The following SNX29 variants were observed in gnomAD, a reference collection of about 807,000 sequenced individuals.
SNX29 encodes the protein sorting nexin 29, also known as sorting nexin-29.
Under a neutral mutation model 102.1 loss-of-function variants are expected in SNX29, and 78 were observed. The ratio of observed to expected loss-of-function variants is 0.76; its 90% CI spans 0.64 to 0.92. SNX29 has a LOEUF of 0.92. Among genes scored for constraint, SNX29 ranks in the 40% least tolerant of loss-of-function variants. SNX29 has a pLI of 0.00. For synonymous variants in SNX29, 580 were observed against 414.5 expected (o/e 1.40, Z -4.85); for missense variants, 1,280 against 1,061.7 (o/e 1.21, Z -2.86).
At chr16:12,303,217 A>G (rs1317983859) in intron 15 of SNX29, among the ~76,000 whole-genome samples, 2 of 152,162 alleles carry the variant, frequency 1.3e-5, no homozygotes, top group African/African-American at 4.8e-5. Flanking sequence ...AATTAGTTTG[A>G]CCAATATTAA....
At chr16:12,552,472 C>G (rs942214072) in intron 20 of SNX29, among the ~76,000 whole-genome samples, 7 of 152,182 alleles carry the variant, frequency 4.6e-5, no homozygotes, top group Admixed American at 2.0e-4. Context: ...TCTCATCACC[C>G]AACGATTGGG....
chr16:11,999,794 G>A (rs1326255277), intron 2 of SNX29, among the ~76,000 whole-genome samples: 2 of 152,002 alleles, frequency 1.3e-5, no homozygotes, highest in African/African-American at 4.8e-5. Flanking sequence ...CCAGCTACTT[G>A]GGAGGCTGAG....
intron 15 of SNX29, among the ~76,000 whole-genome samples, chr16:12,287,202 G>C (rs1383467374): frequency 6.6e-6 from 1 of 152,122 alleles, no homozygotes; most frequent in Admixed American, 6.5e-5. Context: ...ACACTACACA[G>C]GCCCTGGGAA....
intron 18 of SNX29, among the ~76,000 whole-genome samples, chr16:12,404,043 C>T (rs780614201): frequency 6.6e-6 from 1 of 152,110 alleles, no homozygotes; most frequent in Admixed American, 6.5e-5. Context: ...GGTTGGGTGA[C>T]GGACTCTGTG....
chr16:12,263,853 G>C (rs972080058), intron 14 of SNX29, among the ~76,000 whole-genome samples: 1 of 152,196 alleles, frequency 6.6e-6, no homozygotes, highest in Non-Finnish European at 1.5e-5. Flanking sequence ...AGTCCAATTT[G>C]TGGATGTTTC....
chr16:12,521,780 A>G (rs566045814), intron 19 of SNX29, among the ~76,000 whole-genome samples: 2 of 152,358 alleles, frequency 1.3e-5, no homozygotes, highest in East Asian at 1.9e-4. Flanking sequence ...TTGGCAACCA[A>G]GGAGCAGAAC....
chr16:12,093,605 TAAAGAG>T (rs1413886058), intron 11 of SNX29: 2 of 152,140 alleles, frequency 1.3e-5, no homozygotes, highest in Non-Finnish European at 2.9e-5. Context: ...GACCGTGTCT[TAAAGAG>T]AAAGATCTAT....
intron 19 of SNX29, among the ~76,000 whole-genome samples, chr16:12,522,221 C>T (rs762329395): frequency 1.3e-5 from 2 of 152,168 alleles, no homozygotes; most frequent in African/African-American, 4.8e-5. Flanking sequence ...GGAAAGGTTT[C>T]GTTGTATAGA....
At chr16:12,324,331 G>C (rs970459295) in intron 15 of SNX29, among the ~76,000 whole-genome samples, 1 of 152,106 alleles carries the variant, frequency 6.6e-6, no homozygotes, top group Non-Finnish European at 1.5e-5. Flanking sequence ...GTCCCAGGAG[G>C]ACTGGGAGGA....
intron 1 of SNX29, among the ~76,000 whole-genome samples, chr16:11,988,908 G>T: frequency 1.3e-5 from 2 of 152,136 alleles, no homozygotes; most frequent in East Asian, 1.9e-4. Context: ...AGAGTGTATG[G>T]CCTGCAAAGC....
At chr16:12,543,191 AATC>A (rs927366556) in intron 20 of SNX29, among the ~76,000 whole-genome samples, 2 of 152,190 alleles carry the variant, frequency 1.3e-5, no homozygotes, top group African/African-American at 2.4e-5. Context: ...TCCTAGGAAA[AATC>A]ATATTCATCA....
chr16:12,103,027 C>G (rs1303425844), intron 11 of SNX29, among the ~76,000 whole-genome samples: 1 of 152,180 alleles, frequency 6.6e-6, no homozygotes, highest in Non-Finnish European at 1.5e-5. Flanking sequence ...AGGAGAACTA[C>G]AAACCACTGC....
chr16:12,389,742 G>A (rs1265549698), intron 16 of SNX29, among the ~76,000 whole-genome samples: 2 of 152,174 alleles, frequency 1.3e-5, no homozygotes, highest in African/African-American at 2.4e-5. Context: ...GAGAACACAG[G>A]GAGGGCTCTG....
Position 12,114,464 on chromosome 16 carries a change from G to A in SNX29, c.1403-12169G>A, listed in dbSNP as rs188640042. Among the ~76,000 whole-genome samples the A allele has an allele frequency of 3.4e-4, 52 of 152,240 alleles. No individual in the cohort carries two copies. The East Asian group carries it at 8.9e-3, about 26-fold the overall frequency. On this transcript the variant is annotated intron_variant, in intron 11 of 20. Transcript: ENST00000566228. Reference sequence around the variant, plus strand: ...TGTGCAGAACCAACATGAAGCCCTGGCCTCCTCATTCTGAGATCCCATTCG... The same window carrying A: ...TGTGCAGAACCAACATGAAGCCCTGACCTCCTCATTCTGAGATCCCATTCG...
chr16:12,303,200 A>T (rs71385202), intron 15 of SNX29, among the ~76,000 whole-genome samples: 2,597 of 152,030 alleles, frequency 0.017, 27 homozygotes, highest in Non-Finnish European at 0.026. Context: ...TGTTTTTTTT[A>T]AAAAATAATT....
intron 16 of SNX29, among the ~76,000 whole-genome samples, chr16:12,382,453 A>T (rs939609047): frequency 2.0e-5 from 3 of 152,204 alleles, no homozygotes; most frequent in East Asian, 1.9e-4. Flanking sequence ...AAGTTAAGTC[A>T]ACTCTCTGAG....
chr16:12,569,877 A>T lies in SNX29; in HGVS notation c.*1248A>T, dbSNP rs572793856. On this transcript the variant is annotated 3_prime_UTR_variant, in exon 21 of 21. Transcript: ENST00000566228. ...TCGTGAAATGGACTATGCAAGAGTA[A>T]GTTTGTGTGTTTCGCCTTAATCTGA... The T allele has an allele frequency of 1.2e-4, 27 of 231,592 alleles. 1 individual carries two copies. Among genetic ancestry groups the T allele is most frequent in the African/African-American group, 6.0e-4 (27 of 45,350 alleles). 14.3% of individuals were successfully genotyped at this position (231,592 alleles called of 1,614,324 possible).
At chr16:12,115,857 G>T (rs576011121) in intron 11 of SNX29, among the ~76,000 whole-genome samples, 1 of 152,294 alleles carries the variant, frequency 6.6e-6, no homozygotes, top group East Asian at 1.9e-4. Flanking sequence ...TGAGCCTCTT[G>T]TGTAATTGAT....
intron 20 of SNX29, among the ~76,000 whole-genome samples, chr16:12,531,083 C>T (rs987267730): frequency 1.3e-5 from 2 of 152,210 alleles, no homozygotes; most frequent in African/African-American, 2.4e-5. Context: ...AGGGTATGTG[C>T]ATTTTAAATT....
Sources: gnomAD v4.1 joint callset for allele counts (sites outside exome capture counted in the v4.1 genomes callset) on GRCh38, gnomAD v4.1.1 for gene constraint, MANE v1.5 for transcripts, NCBI Gene and HGNC (gene_info 2026-07-23, HGNC 2026-07-21) for gene names.